SORCS1: variants seen among roughly 807,000 people sequenced by gnomAD.
SORCS1 encodes the protein sortilin related VPS10 domain containing receptor 1, also known as VPS10 domain-containing receptor SorCS1.
SORCS1 carries 60 observed loss-of-function variants against 146.1 expected under a neutral mutation model. The observed-to-expected ratio is 0.41, with a 90% CI of 0.33 to 0.51. SORCS1 has a LOEUF of 0.51. SORCS1 is among the 20% of genes least tolerant of loss of function. The pLI is 0.21. For missense variants in SORCS1, 1,352 were observed against 1,487.6 expected (o/e 0.91, Z 1.50); for synonymous variants, 637 against 584.0 (o/e 1.09, Z -1.31).
intron 1 of SORCS1, among the ~76,000 whole-genome samples, chr10:107,054,927 C>T (rs1011431094): frequency 4.6e-5 from 7 of 152,158 alleles, no homozygotes; most frequent in African/African-American, 1.4e-4. Flanking sequence ...CTCATCAATA[C>T]GACATGCCTA....
At chr10:106,627,914 C>T (rs1848206042) in intron 19 of SORCS1, among the ~76,000 whole-genome samples, 2 of 152,172 alleles carry the variant, frequency 1.3e-5, no homozygotes, top group Non-Finnish European at 2.9e-5. Context: ...AGGTGGGCCA[C>T]TTCAAACAAG....
At chr10:106,708,846 AAG>A (rs2135830009) in intron 7 of SORCS1, among the ~76,000 whole-genome samples, 1 of 152,300 alleles carries the variant, frequency 6.6e-6, no homozygotes, top group Non-Finnish European at 1.5e-5. Flanking sequence ...CCCAGATAGA[AAG>A]AGACTGACAT....
At chr10:107,018,529 G>C (rs898698749) in intron 1 of SORCS1, among the ~76,000 whole-genome samples, 2 of 151,960 alleles carry the variant, frequency 1.3e-5, no homozygotes, top group Non-Finnish European at 2.9e-5. Flanking sequence ...AAATACAAAG[G>C]GTTCCCTGTT....
chr10:106,618,680 A>G (rs1167964237), intron 20 of SORCS1, among the ~76,000 whole-genome samples: 2 of 152,192 alleles, frequency 1.3e-5, no homozygotes, highest in Non-Finnish European at 2.9e-5. Context: ...CTGAAAATCT[A>G]TAAGCTGCCA....
At chr10:106,956,993 T>A (rs1010721104) in intron 1 of SORCS1, among the ~76,000 whole-genome samples, 1 of 152,202 alleles carries the variant, frequency 6.6e-6, no homozygotes, top group Non-Finnish European at 1.5e-5. Context: ...TTACCCAATG[T>A]GCCTAGCTAC....
intron 2 of SORCS1, among the ~76,000 whole-genome samples, chr10:106,875,840 G>A (rs1476097188): frequency 2.0e-5 from 3 of 152,034 alleles, no homozygotes; most frequent in African/African-American, 7.2e-5. Flanking sequence ...TTTGGCTGCT[G>A]AATAAAATAC....
chr10:106,915,107 C>T (rs149050538), intron 2 of SORCS1, among the ~76,000 whole-genome samples: 68 of 152,310 alleles, frequency 4.5e-4, no homozygotes, highest in African/African-American at 1.4e-3. Flanking sequence ...GGTAACTATG[C>T]TTAAGTGTCT....
chr10:106,595,196 C>T (rs554236599), intron 24 of SORCS1, among the ~76,000 whole-genome samples: 11 of 152,282 alleles, frequency 7.2e-5, no homozygotes, highest in Non-Finnish European at 1.3e-4. Flanking sequence ...CACCAGCATA[C>T]GATTCAGAAA....
At chr10:106,697,858 T>G (rs1419605879) in intron 9 of SORCS1, among the ~76,000 whole-genome samples, 1 of 152,200 alleles carries the variant, frequency 6.6e-6, no homozygotes, top group Non-Finnish European at 1.5e-5. Context: ...TACTCTAAAT[T>G]AAATTTTATT....
At chr10:106,830,918 G>A (rs927552021) in intron 2 of SORCS1, among the ~76,000 whole-genome samples, 2 of 151,458 alleles carry the variant, frequency 1.3e-5, no homozygotes, top group African/African-American at 4.9e-5. Flanking sequence ...AAAAAGGCCA[G>A]GCACACTGGC....
At chr10:107,093,101 T>G (rs747025763) in intron 1 of SORCS1, among the ~76,000 whole-genome samples, 1 of 152,172 alleles carries the variant, frequency 6.6e-6, no homozygotes, top group Non-Finnish European at 1.5e-5. Context: ...ATTCCATTGC[T>G]AGTAAGCACT....
intron 2 of SORCS1, among the ~76,000 whole-genome samples, chr10:106,841,342 C>T (rs1021539937): frequency 5.3e-5 from 8 of 151,896 alleles, no homozygotes; most frequent in Non-Finnish European, 1.2e-4. Context: ...TGGTGGCATG[C>T]GCCTGTAATC....
intron 1 of SORCS1, among the ~76,000 whole-genome samples, chr10:107,142,491 C>A (rs929580770): frequency 2.0e-5 from 3 of 152,148 alleles, no homozygotes; most frequent in Admixed American, 6.5e-5. Context: ...AGTAAATGTC[C>A]TCTATTCCTT....
At chr10:106,676,756 C>G (rs1256531719) in intron 13 of SORCS1, among the ~76,000 whole-genome samples, 1 of 152,080 alleles carries the variant, frequency 6.6e-6, no homozygotes, top group African/African-American at 2.4e-5. Context: ...TGAATAAACA[C>G]AGAAATTGAT....
At chr10:106,843,780 A>T (rs1949175098) in intron 2 of SORCS1, among the ~76,000 whole-genome samples, 1 of 152,160 alleles carries the variant, frequency 6.6e-6, no homozygotes, top group Non-Finnish European at 1.5e-5. Flanking sequence ...CTGTATATAT[A>T]ATACATTTTC....
At chr10:106,730,923 A>G (rs1856548060) in intron 5 of SORCS1, among the ~76,000 whole-genome samples, 3 of 152,142 alleles carry the variant, frequency 2.0e-5, no homozygotes, top group Admixed American at 1.3e-4. Flanking sequence ...CTACACAGAA[A>G]ACAGCGAAAT....
Position 106,579,453 on chromosome 10 carries a change from G to A in SORCS1, c.3287C>T (p.Pro1096Leu). 1 of 1,613,854 alleles carries A rather than the reference G, an allele frequency of 6.2e-7. No homozygotes were observed. Among genetic ancestry groups the A allele is most frequent in the Non-Finnish European group, 8.5e-7 (1 of 1,179,952 alleles). The change falls in exon 25 of 26, where the codon CCA becomes CTA. Residue 1096 changes from proline to leucine, a missense_variant. Pro to Leu is a moderately conservative substitution (Grantham distance 98, BLOSUM62 -3). This residue lies in a region of SORCS1 where 214 missense variants were observed against 204.8 expected (regional missense o/e 1.05). Coordinates refer to ENST00000263054, the MANE Select transcript of SORCS1 (RefSeq NM_052918.5). Reference protein sequence around the residue: ...LTAAPLVDLTPTHSGSAMLML... With the variant: ...LTAAPLVDLTLTHSGSAMLML... ...CAGCATGGCAGATCCACTGTGGGTTGGAGTGAGGTCCACCAGGGGGGCTTG... is the reference window on the plus strand; with the variant it reads ...CAGCATGGCAGATCCACTGTGGGTTAGAGTGAGGTCCACCAGGGGGGCTTG...
chr10:106,614,823 A>C (rs1847248064), intron 21 of SORCS1, among the ~76,000 whole-genome samples: 1 of 152,240 alleles, frequency 6.6e-6, no homozygotes, highest in African/African-American at 2.4e-5. Context: ...GGGCGGACTG[A>C]AAAGGGTAAA....
chr10:106,914,502 A>G (rs568439440), intron 2 of SORCS1, among the ~76,000 whole-genome samples: 45 of 152,312 alleles, frequency 3.0e-4, no homozygotes, highest in African/African-American at 9.9e-4. Flanking sequence ...CTCCCCTCAC[A>G]TGCAAAATAC....
Sources: gnomAD v4.1 joint callset for allele counts (sites outside exome capture counted in the v4.1 genomes callset) on GRCh38, gnomAD v4.1.1 for gene constraint, gnomAD v4.1.1 regional missense constraint, MANE v1.5 for transcripts, NCBI Gene and HGNC (gene_info 2026-07-23, HGNC 2026-07-21) for gene names.